The following ARSB variants were observed in gnomAD, a reference collection of about 807,000 sequenced individuals.
ARSB encodes arylsulfatase B.
Under a neutral mutation model 50.9 loss-of-function variants are expected in ARSB, and 41 were observed. The ratio of observed to expected loss-of-function variants is 0.81; its 90% CI spans 0.63 to 1.04. The LOEUF is 1.04. ARSB is among the 50% of genes least tolerant of loss of function. The pLI is 0.00. For missense variants in ARSB, 672 were observed against 693.3 expected (o/e 0.97, Z 0.35); for synonymous variants, 269 against 284.8 (o/e 0.94, Z 0.56).
chr5:78,812,015 G>C (rs1322220399), intron 6 of ARSB, among the ~76,000 whole-genome samples: 1 of 152,014 alleles, frequency 6.6e-6, no homozygotes, highest in African/African-American at 2.4e-5. Context: ...TGCTGCCTAA[G>C]AGAGATCCAC....
intron 6 of ARSB, among the ~76,000 whole-genome samples, chr5:78,813,445 A>T (rs949107105): frequency 4.6e-5 from 7 of 152,224 alleles, no homozygotes; most frequent in African/African-American, 1.2e-4. Flanking sequence ...GAAGTCATAT[A>T]GCATTTACTT....
intron 6 of ARSB, chr5:78,817,160 G>T (rs1744023267): frequency 1.0e-6 from 1 of 975,108 alleles, no homozygotes; most frequent in Non-Finnish European, 1.2e-6. Flanking sequence ...ATGATCATTA[G>T]TAGGCACAAA....
At chr5:78,928,279 G>A (rs1750141998) in intron 4 of ARSB, among the ~76,000 whole-genome samples, 1 of 149,684 alleles carries the variant, frequency 6.7e-6, no homozygotes, top group Non-Finnish European at 1.5e-5. Flanking sequence ...GGATCTGTGG[G>A]CAACTGTGAT....
At chr5:78,860,758 C>G (rs13172903) in intron 5 of ARSB, among the ~76,000 whole-genome samples, 87,728 of 152,098 alleles carry the variant, frequency 0.58, 25,914 homozygotes, top group Non-Finnish European at 0.64. Context: ...AAATAACTAA[C>G]AGCAGAGCAG....
intron 6 of ARSB, among the ~76,000 whole-genome samples, chr5:78,804,213 GA>G (rs113086677): frequency 0.056 from 6,880 of 123,822 alleles, 202 homozygotes; most frequent in East Asian, 0.13. Flanking sequence ...AATGTGGAAT[GA>G]AAAAAAAAAA....
intron 1 of ARSB, among the ~76,000 whole-genome samples, chr5:78,973,033 T>C (rs753613250): frequency 9.9e-5 from 15 of 152,134 alleles, no homozygotes; most frequent in Non-Finnish European, 1.8e-4. Context: ...CTGTAATGTG[T>C]AGAGAAGCAG....
intron 5 of ARSB, among the ~76,000 whole-genome samples, chr5:78,873,420 G>C (rs1747320454): frequency 6.8e-6 from 1 of 147,672 alleles, no homozygotes; most frequent in African/African-American, 2.5e-5. Context: ...TTTATGTAAA[G>C]AAGATTCAAT....
At chr5:78,807,612 T>C (rs529497671) in intron 6 of ARSB, among the ~76,000 whole-genome samples, 1 of 152,140 alleles carries the variant, frequency 6.6e-6, no homozygotes, top group Non-Finnish European at 1.5e-5. Flanking sequence ...TTAAACATAT[T>C]TGGGGAACCT....
rs1745627901 is a variant in ARSB, at chr5:78,849,366, A to T, written c.1143-9940T>A. On this transcript the variant is annotated intron_variant, in intron 5 of 7. Coordinates refer to ENST00000264914, the MANE Select transcript of ARSB (RefSeq NM_000046.5). The stretch of plus-strand genomic sequence containing the variant: ...GTTTTTCTCAGGTTTGTCAAAGATC[A>T]GATAGTTGTAGGTAAGCGGCATTAT... Among the ~76,000 whole-genome samples, 9 of 152,250 alleles carry T rather than the reference A, an allele frequency of 5.9e-5. No individual in the cohort carries two copies. In the South Asian group the frequency reaches 1.9e-3, roughly 32 times the overall value.
intron 5 of ARSB, among the ~76,000 whole-genome samples, chr5:78,844,031 G>T (rs1238535215): frequency 6.6e-6 from 1 of 151,936 alleles, no homozygotes. Context: ...ACAATTTTTT[G>T]TGTGGGCATT....
At chr5:78,890,254 T>C (rs1191512218) in intron 4 of ARSB, among the ~76,000 whole-genome samples, 92 of 149,462 alleles carry the variant, frequency 6.2e-4, no homozygotes, top group African/African-American at 2.0e-3. Context: ...ATCTTATCTT[T>C]TTTTTTTTTT....
chr5:78,812,679 T>C (rs997658583), intron 6 of ARSB, among the ~76,000 whole-genome samples: 2 of 151,478 alleles, frequency 1.3e-5, no homozygotes, highest in African/African-American at 4.9e-5. Context: ...CTTGAAATTG[T>C]ACTGGTACAC....
Position 78,900,953 on chromosome 5 carries a change from G to A in ARSB, c.899-15126C>T, listed in dbSNP as rs140467377. 3.7e-4 allele frequency among the ~76,000 whole-genome samples: 56 copies of A among 151,326 alleles called. 1 individual carries two copies. The East Asian group carries it at 0.011, about 29-fold the overall frequency. The stretch of plus-strand genomic sequence containing the variant: ...ACTTGGGAGGCTGAGGCAGGAGAAT[G>A]GTGTGAACCCGGGACCTGGGAGGCA... On this transcript the variant is annotated intron_variant, in intron 4 of 7. Transcript: ENST00000264914.
chr5:78,895,052 C>T (rs1477357371), intron 4 of ARSB, among the ~76,000 whole-genome samples: 1 of 152,196 alleles, frequency 6.6e-6, no homozygotes, highest in Non-Finnish European at 1.5e-5. Context: ...ACCAAACAAA[C>T]AAACAAACAA....
In ARSB at chr5:78,885,777, T is replaced by C. The variant is rs763971370; in HGVS notation, c.949A>G (p.Arg317Gly). Residue 317 changes from arginine to glycine, a missense_variant, in exon 5 of 8, where the codon AGA becomes GGA. By Grantham distance (125) the Arg-to-Gly change is moderately radical. Transcript: ENST00000264914. ...AGGNNWPLRG[R>G]KWSLWEGGVR... ...CCTCCTTCCCACAGGCTCCATTTTC[T>C]TCCTCGAAGGGGCCAGTTATTACCC... The C allele has an allele frequency of 3.1e-6, 5 of 1,614,174 alleles. No individual in the cohort carries two copies. In the South Asian group the frequency reaches 5.5e-5, roughly 18 times the overall value.
rs180875589 is a variant in ARSB, at chr5:78,910,154, C to T, written c.899-24327G>A. ...TATCACCCTGTTCTCCTGCCGCATT[C>T]CTCTTGCTGAGATAGTGAAAATAGT... On this transcript the variant is annotated intron_variant, in intron 4 of 7. Transcript: ENST00000264914. Among the ~76,000 whole-genome samples, 490 of 152,344 alleles carry T rather than the reference C, an allele frequency of 3.2e-3. 1 individual carries two copies. The highest frequency in any genetic ancestry group is 5.3e-3 in the Non-Finnish European group (361 of 68,034).
At chr5:78,854,145 T>C (rs1746018644) in intron 5 of ARSB, among the ~76,000 whole-genome samples, 1 of 152,256 alleles carries the variant, frequency 6.6e-6, no homozygotes, top group Non-Finnish European at 1.5e-5. Context: ...TCACCCGTCT[T>C]CTGTGTCGCT....
intron 3 of ARSB, among the ~76,000 whole-genome samples, chr5:78,960,637 C>T (rs55990561): frequency 0.18 from 26,801 of 152,126 alleles, 2,418 homozygotes; most frequent in Middle Eastern, 0.23. Flanking sequence ...ACGAGCTTGG[C>T]TCACTGCAAC....
At chr5:78,837,229 A>C (rs80062850) in intron 6 of ARSB, among the ~76,000 whole-genome samples, 5,751 of 152,262 alleles carry the variant, frequency 0.038, 372 homozygotes, top group African/African-American at 0.13. Flanking sequence ...GCAGGTGAAG[A>C]CATTTACAAC....
Sources: gnomAD v4.1 joint callset for allele counts (sites outside exome capture counted in the v4.1 genomes callset) on GRCh38, gnomAD v4.1.1 for gene constraint, MANE v1.5 for transcripts, NCBI Gene and HGNC (gene_info 2026-07-23, HGNC 2026-07-21) for gene names.